SPHKAP: variants seen among roughly 807,000 people sequenced by gnomAD.
SPHKAP encodes the protein SPHK1 interactor, AKAP domain containing.
Under a neutral mutation model 137.5 loss-of-function variants are expected in SPHKAP, and 67 were observed. The ratio of observed to expected loss-of-function variants is 0.49; its 90% confidence interval spans 0.40 to 0.60. The LOEUF (loss-of-function observed/expected upper bound fraction) is 0.60. Ranked by LOEUF, SPHKAP falls within the 20% of genes least tolerant of loss-of-function variation. The pLI is 0.00. For synonymous variants in SPHKAP, 813 were observed against 785.3 expected, an observed-to-expected ratio of 1.04 and a Z score of -0.59; for missense variants, 2,097 against 2,069.3, an observed-to-expected ratio of 1.01 and a Z score of -0.26.
chr2:228,033,747 A>G (rs1695454706), intron 3 of SPHKAP, among the ~76,000 whole-genome samples: 1 of 152,204 alleles, frequency 6.6e-6, no homozygotes, highest in Non-Finnish European at 1.5e-5. Flanking sequence ...ACTCAACTAC[A>G]TGGAAACTGA....
chr2:228,088,292 T>C (rs916278222), intron 3 of SPHKAP, among the ~76,000 whole-genome samples: 2 of 152,180 alleles, frequency 1.3e-5, no homozygotes, highest in African/African-American at 2.4e-5. Context: ...TAAAAACACA[T>C]AAATGAGAAG....
Position 228,108,924 on chromosome 2 carries a change from T to A in SPHKAP, c.154A>T (p.Ser52Cys). The stretch of plus-strand genomic sequence containing the variant: ...CAGTAGTCTGTTGACTCCAGCAGGC[T>A]ATTGCTGCGAAGAACCTGGAGGAAC... ...TACKKVLRSNSLLESTDYWLQ... is the reference protein window; with the variant it reads ...TACKKVLRSNCLLESTDYWLQ... Residue 52 changes from serine (S) to cysteine (C), a missense_variant, in exon 3 of 12, where the codon AGC becomes TGC. Physicochemically the swap from Ser to Cys is moderately radical, Grantham distance 112 (BLOSUM62 -1). Transcript: ENST00000392056. The A allele has an allele frequency of 6.3e-7, 1 of 1,599,758 alleles. No homozygotes were observed. Among genetic ancestry groups the A allele is most frequent in the Non-Finnish European group, 8.5e-7 (1 of 1,176,138 alleles).
chr2:228,007,631 C>A (rs1459131869), intron 7 of SPHKAP, among the ~76,000 whole-genome samples: 2 of 152,062 alleles, frequency 1.3e-5, no homozygotes, highest in Non-Finnish European at 2.9e-5. Context: ...CATGTTGTCA[C>A]AAATGACAGA....
At chr2:228,153,700 C>A (rs1700008122) in intron 1 of SPHKAP, among the ~76,000 whole-genome samples, 1 of 152,114 alleles carries the variant, frequency 6.6e-6, no homozygotes, top group South Asian at 2.1e-4. Context: ...TTCTTATCAA[C>A]TTTTCAATAC....
In SPHKAP at chr2:227,991,296, T is replaced by A. The variant is rs1248417824; in HGVS notation, c.4752A>T (p.Lys1584Asn). The A allele has an allele frequency of 6.2e-7, 1 of 1,614,108 alleles. No homozygotes were observed. The highest frequency in any genetic ancestry group is 2.2e-5 in the East Asian group (1 of 44,896). Residue 1584 changes from lysine to asparagine, a missense_variant, in exon 10 of 12, where the codon AAA (lysine) becomes AAT (asparagine). Physicochemically the swap from Lys to Asn is moderately conservative, Grantham distance 94 (BLOSUM62 0). Coordinates refer to ENST00000392056, the MANE Select transcript of SPHKAP (RefSeq NM_001142644.2). ...TACCCTCTGTGCTTTCTGACTGTCC[T>A]TTAAGAATCTTCTTTTCTTCTACTA... Reference protein sequence around the residue: ...NELVEEKKILKGQSESTEAPA... With the variant: ...NELVEEKKILNGQSESTEAPA...
At chr2:228,135,929 T>C (rs905202649) in intron 1 of SPHKAP, among the ~76,000 whole-genome samples, 4 of 152,214 alleles carry the variant, frequency 2.6e-5, no homozygotes, top group Non-Finnish European at 5.9e-5. Context: ...AGGCTTATGT[T>C]TTAAAGCATG....
In SPHKAP at chr2:228,108,949, C is replaced by A. The variant is rs201938920; in HGVS notation, c.139-10G>T. On this transcript the variant is annotated splice_polypyrimidine_tract_variant and intron_variant, in intron 2 of 11. Transcript: ENST00000392056. Reference sequence around the variant, plus strand: ...TATTGCTGCGAAGAACCTGGAGGAACCCAGAAAAACTCAGTTCTTATTCGG... The same window carrying A: ...TATTGCTGCGAAGAACCTGGAGGAAACCAGAAAAACTCAGTTCTTATTCGG... The A allele has an allele frequency of 4.5e-6, 7 of 1,556,654 alleles. No homozygotes were observed. The highest frequency in any genetic ancestry group is 6.1e-6 in the Non-Finnish European group (7 of 1,153,754).
rs749944611 is a variant in SPHKAP, at chr2:228,019,912, C to A, written c.942G>T (p.Gly314=). 6 of 1,614,244 alleles carry A rather than the reference C, an allele frequency of 3.7e-6. No individual in the cohort carries two copies. Among genetic ancestry groups the A allele is most frequent in the Non-Finnish European group, 5.1e-6 (6 of 1,180,036 alleles). ...KPSQWKREAV[G]NGRQATHYYH... is the part of the protein sequence containing the mutation. The stretch of plus-strand genomic sequence containing the variant: ...AATAATGTGTGGCTTGTCTCCCATT[C>A]CCCACAGCTTCTCTTTTCCACTGTG... The change falls in exon 7 of 12, where the codon GGG becomes GGT. Residue 314 remains glycine, a synonymous_variant. Coordinates refer to ENST00000392056, the MANE Select transcript of SPHKAP (RefSeq NM_001142644.2).
chr2:228,026,603 A>AAC (rs1288231553), intron 4 of SPHKAP, among the ~76,000 whole-genome samples: 1 of 101,716 alleles, frequency 9.8e-6, no homozygotes, highest in Non-Finnish European at 1.9e-5. Flanking sequence ...CTTAGATACC[A>AAC]ACTTGCTTTG....
intron 8 of SPHKAP, 82 bp from the exon 9 acceptor site, chr2:227,993,702 A>T: frequency 8.0e-7 from 1 of 1,251,324 alleles, no homozygotes. Context: ...TTGTTGTACA[A>T]GCTCCTTCCT....
At chr2:228,176,278 A>T (rs1455738198) in intron 1 of SPHKAP, among the ~76,000 whole-genome samples, 1 of 152,168 alleles carries the variant, frequency 6.6e-6, no homozygotes, top group Non-Finnish European at 1.5e-5. Flanking sequence ...TTTCTTTTGG[A>T]TGGGTGGGTA....
intron 2 of SPHKAP, among the ~76,000 whole-genome samples, chr2:228,117,092 C>G (rs1184780159): frequency 6.6e-6 from 1 of 152,096 alleles, no homozygotes; most frequent in Non-Finnish European, 1.5e-5. Flanking sequence ...TTGGAAGGTG[C>G]ATGCTTCCCA....
At chr2:228,123,968 A>C (rs1478540218) in intron 2 of SPHKAP, among the ~76,000 whole-genome samples, 3 of 152,168 alleles carry the variant, frequency 2.0e-5, no homozygotes, top group Non-Finnish European at 2.9e-5. Context: ...ATGCAGCCAA[A>C]AGACACATGA....
At position 228,163,870 on chromosome 2, in the gene SPHKAP, A is replaced by G. The variant is rs184951129; in HGVS notation, c.32+17697T>C. ...TGATCCTGTAATATTAGCTCTCCCCAGGAATGCCCCTGTGATGGTTAATAT... is the reference window on the plus strand; with the variant it reads ...TGATCCTGTAATATTAGCTCTCCCCGGGAATGCCCCTGTGATGGTTAATAT... On this transcript the variant is annotated intron_variant, in intron 1 of 11. Coordinates refer to ENST00000392056, the MANE Select transcript of SPHKAP (RefSeq NM_001142644.2). 1.1e-4 allele frequency among the ~76,000 whole-genome samples: 16 copies of G among 152,272 alleles called. No homozygotes were observed. In the East Asian group the frequency reaches 2.3e-3, roughly 22 times the overall value.
intron 3 of SPHKAP, among the ~76,000 whole-genome samples, chr2:228,062,082 G>T (rs958580422): frequency 6.6e-5 from 10 of 151,778 alleles, no homozygotes; most frequent in African/African-American, 2.4e-4. Flanking sequence ...CAGATTTTTG[G>T]CTCAAGAAAA....
intron 3 of SPHKAP, among the ~76,000 whole-genome samples, chr2:228,071,355 T>G (rs1696999568): frequency 6.6e-6 from 1 of 152,266 alleles, no homozygotes; most frequent in Non-Finnish European, 1.5e-5. Context: ...ATTTTCTTAA[T>G]GGCATCTGGG....
chr2:228,005,470 T>C (rs1017121972), intron 7 of SPHKAP, among the ~76,000 whole-genome samples: 6 of 152,232 alleles, frequency 3.9e-5, no homozygotes, highest in Non-Finnish European at 8.8e-5. Flanking sequence ...GTTTCCTGAA[T>C]ACAGCACACT....
chr2:228,076,052 C>T (rs775105310), intron 3 of SPHKAP, among the ~76,000 whole-genome samples: 49 of 152,220 alleles, frequency 3.2e-4, no homozygotes, highest in Non-Finnish European at 5.7e-4. Flanking sequence ...GTGAATGAGT[C>T]TCATGAGGTC....
At chr2:228,127,721 A>C (rs959209026) in intron 2 of SPHKAP, among the ~76,000 whole-genome samples, 10 of 152,134 alleles carry the variant, frequency 6.6e-5, no homozygotes, top group Admixed American at 5.9e-4. Context: ...TGTAGCTTTT[A>C]ATGAAAACAA....
Sources: allele counts gnomAD v4.1 joint callset (sites outside exome capture counted in the v4.1 genomes callset), GRCh38; gene constraint gnomAD v4.1.1; transcripts MANE v1.5; gene names NCBI Gene and HGNC (gene_info 2026-07-23, HGNC 2026-07-21).